The following EPAS1 variants were observed in gnomAD, a reference collection of about 807,000 sequenced individuals.
The protein encoded by EPAS1 is endothelial PAS domain-containing protein 1.
A neutral mutation model predicts 87.9 loss-of-function variants in EPAS1; 23 were observed. The ratio of observed to expected loss-of-function variants is 0.26; its 90% CI spans 0.19 to 0.37. The LOEUF (loss-of-function observed/expected upper bound fraction) is 0.37. EPAS1 is among the 10% of genes least tolerant of loss of function. The pLI, the probability that EPAS1 is intolerant of heterozygous loss-of-function variation, is 1.00. For synonymous variants in EPAS1, 508 were observed against 444.3 expected, an observed-to-expected ratio of 1.14 and a Z score of -1.80; for missense variants, 1,138 against 1,120.7, an observed-to-expected ratio of 1.02 and a Z score of -0.22.
In EPAS1 at chr2:46,359,257, C is replaced by CAAAAAAAA. The variant is rs57351888; in HGVS notation, c.455-1364_455-1357dup. Among the ~76,000 whole-genome samples the CAAAAAAAA allele has an allele frequency of 2.7e-3, 67 of 25,088 alleles. 6 individuals are homozygous for CAAAAAAAA. Among genetic ancestry groups the CAAAAAAAA allele is most frequent in the African/African-American group, 0.012 (62 of 5,056 alleles). The allele number at this position is 25,088 out of a possible 152,430, so 16.5% of individuals were successfully genotyped here. On this transcript the variant is annotated intron_variant, in intron 4 of 15. Coordinates refer to ENST00000263734, the MANE Select transcript of EPAS1 (RefSeq NM_001430.5). The stretch of plus-strand genomic sequence containing the variant: ...CTGGCGACAGAGCAAGATTCTGTCT[C>CAAAAAAAA]AAAAAAAAAAAAAAAAAAAAAAAAG...
At chr2:46,338,303 C>A (rs372421183) in intron 1 of EPAS1, among the ~76,000 whole-genome samples, 10 of 150,318 alleles carry the variant, frequency 6.7e-5, no homozygotes, top group African/African-American at 2.4e-4. Flanking sequence ...GCTGAGAGTT[C>A]TTTACTAACT....
chr2:46,331,423 CAAG>C lies in EPAS1; in HGVS notation c.27-15446_27-15444del, dbSNP rs765832207. On this transcript the variant is annotated intron_variant, in intron 1 of 15. Coordinates refer to ENST00000263734, the MANE Select transcript of EPAS1 (RefSeq NM_001430.5). ...ACTTTTTACAAAAATGCTAAAATGC[CAAG>C]AAGTACTTTTTCATTAAAACAAAAC... Among the ~76,000 whole-genome samples, 72 of 152,190 alleles carry C rather than the reference CAAG, an allele frequency of 4.7e-4. 1 individual carries two copies. Among genetic ancestry groups the C allele is most frequent in the Non-Finnish European group, 8.2e-4 (56 of 68,024 alleles).
intron 1 of EPAS1, among the ~76,000 whole-genome samples, chr2:46,306,023 G>C (rs536204922): frequency 6.6e-6 from 1 of 152,252 alleles, no homozygotes; most frequent in African/African-American, 2.4e-5. Context: ...GTGACTAAGG[G>C]GAGTCAGTGG....
At chr2:46,335,045 T>G (rs2104861610) in intron 1 of EPAS1, among the ~76,000 whole-genome samples, 1 of 152,266 alleles carries the variant, frequency 6.6e-6, no homozygotes, top group South Asian at 2.1e-4. Context: ...CCTCTTTCAC[T>G]TTTCCTCTTT....
chr2:46,349,599 G>T (rs747008010), intron 2 of EPAS1, among the ~76,000 whole-genome samples: 11 of 152,206 alleles, frequency 7.2e-5, no homozygotes, highest in Non-Finnish European at 1.3e-4. Flanking sequence ...GGAAAGAAAT[G>T]AAGGAAAAGG....
chr2:46,348,046 A>G (rs189778035), intron 2 of EPAS1, among the ~76,000 whole-genome samples: 1 of 152,264 alleles, frequency 6.6e-6, no homozygotes, highest in Admixed American at 6.5e-5. Flanking sequence ...CCATCCTGTT[A>G]TGAAGTGGCT....
chr2:46,381,068 A>C, intron 12 of EPAS1: 3 of 378,240 alleles, frequency 7.9e-6, no homozygotes, highest in Non-Finnish European at 1.5e-5. Context: ...AAAACAGCAA[A>C]AAGATACCCC....
chr2:46,297,729 C>G lies in EPAS1; in HGVS notation c.-183C>G, dbSNP rs1018736819. 4.4e-6 allele frequency: 3 copies of G among 682,242 alleles called. No homozygotes were observed. In the African/African-American group the frequency reaches 5.6e-5, roughly 13 times the overall value. 42.3% of individuals were successfully genotyped at this position (682,242 alleles called of 1,614,324 possible). ...TCCCAGTCACCTTTCTCCACCCCCGCCCCCGCACCTAGCCCGCCGCGCGCC... is the reference window on the plus strand; with the variant it reads ...TCCCAGTCACCTTTCTCCACCCCCGGCCCCGCACCTAGCCCGCCGCGCGCC... On this transcript the variant is annotated 5_prime_UTR_variant, in exon 1 of 16. Transcript: ENST00000263734.
Position 46,297,753 on chromosome 2 carries a change from C to T in EPAS1, c.-159C>T. ...GCCCCCGCACCTAGCCCGCCGCGCG[C>T]CACCTTCCACCTGACTGCGCGGGGC... On this transcript the variant is annotated 5_prime_UTR_variant, in exon 1 of 16. Coordinates refer to ENST00000263734, the MANE Select transcript of EPAS1 (RefSeq NM_001430.5). 1 of 921,194 alleles carries T rather than the reference C, an allele frequency of 1.1e-6. No individual in the cohort carries two copies. Among genetic ancestry groups the T allele is most frequent in the East Asian group, 2.8e-5 (1 of 36,360 alleles). The allele number at this position is 921,194 out of a possible 1,614,324, so 57.1% of individuals were successfully genotyped here. A position where few individuals can be genotyped will look rare whatever the true frequency, so the allele number is the denominator to read the frequency against.
chr2:46,374,652 AAC>A, intron 7 of EPAS1, among the ~76,000 whole-genome samples: 1 of 152,324 alleles, frequency 6.6e-6, no homozygotes, highest in African/African-American at 2.4e-5. Flanking sequence ...GCCCTTTCCT[AAC>A]GTCTCTGTGA....
At chr2:46,362,977 A>AGTGGTG (rs75642579) in intron 6 of EPAS1, among the ~76,000 whole-genome samples, 1,493 of 104,240 alleles carry the variant, frequency 0.014, 21 homozygotes, top group Middle Eastern at 0.038. Flanking sequence ...TGGTGGTGGT[A>AGTGGTG]GTGGTGGTGG....
chr2:46,309,026 A>AT (rs1287707118), intron 1 of EPAS1, among the ~76,000 whole-genome samples: 2 of 152,168 alleles, frequency 1.3e-5, no homozygotes, highest in Non-Finnish European at 2.9e-5. Context: ...AGACCCAGTC[A>AT]TTTTTTCCTG....
rs572605312 is a variant in EPAS1, at chr2:46,378,096, C to A, written c.1443+9C>A. ...GCAGCAGCTGCTCCACGGTGAGCAG[C>A]CCTCTTATGGCGAGGACACAGAGAG... is the stretch of plus-strand genomic sequence containing the variant. On this transcript the variant is annotated intron_variant, in intron 10 of 15. Coordinates refer to ENST00000263734, the MANE Select transcript of EPAS1 (RefSeq NM_001430.5). 2 of 1,592,664 alleles carry A rather than the reference C, an allele frequency of 1.3e-6. No individual in the cohort carries two copies. The highest frequency in any genetic ancestry group is 2.3e-5 in the East Asian group (1 of 44,028).
intron 1 of EPAS1, among the ~76,000 whole-genome samples, chr2:46,338,890 CA>C: frequency 7.5e-6 from 1 of 132,508 alleles, no homozygotes. Context: ...CTGAGGATGC[CA>C]GTGTAGCCAA....
chr2:46,383,001 G>GAGA (rs1377214934), intron 15 of EPAS1, among the ~76,000 whole-genome samples: 1 of 151,794 alleles, frequency 6.6e-6, no homozygotes, highest in Non-Finnish European at 1.5e-5. Flanking sequence ...TGTTGAAGAA[G>GAGA]AGAAGAGAAA....
chr2:46,336,062 T>C (rs576016938), intron 1 of EPAS1, among the ~76,000 whole-genome samples: 1 of 152,042 alleles, frequency 6.6e-6, no homozygotes, highest in African/African-American at 2.4e-5. Flanking sequence ...GAGAGCGAAA[T>C]AAAATCTAAG....
chr2:46,356,407 T>A, intron 3 of EPAS1, 105 bp downstream of exon 3: 1 of 1,442,112 alleles, frequency 6.9e-7, no homozygotes, highest in East Asian at 2.3e-5. Flanking sequence ...TCCCTGCAAA[T>A]GCCCACGGTG....
intron 1 of EPAS1, among the ~76,000 whole-genome samples, chr2:46,304,667 A>G (rs61317718): frequency 0.15 from 23,345 of 152,064 alleles, 3,287 homozygotes; most frequent in African/African-American, 0.38. Flanking sequence ...GCCCCAAGAA[A>G]TTCAAAGCTT....
rs537806904 is a variant in EPAS1 at position 46,358,347 on chromosome 2, C to G, written c.454+1539C>G. Among the ~76,000 whole-genome samples the G allele has an allele frequency of 1.2e-4, 18 of 152,316 alleles. 1 individual carries two copies. The highest frequency in any genetic ancestry group is 1.5e-5 in the Non-Finnish European group (1 of 68,026). ...GAGCACCCTGTAGGCTGCTCAGTGT[C>G]TTGTCTGGTTCTGTGGGGAAAGGGC... On this transcript the variant is annotated intron_variant, in intron 4 of 15. Coordinates refer to ENST00000263734, the MANE Select transcript of EPAS1 (RefSeq NM_001430.5).
Sources: gnomAD v4.1 joint callset for allele counts (sites outside exome capture counted in the v4.1 genomes callset) on GRCh38, gnomAD v4.1.1 for gene constraint, MANE v1.5 for transcripts, NCBI Gene and HGNC (gene_info 2026-07-23, HGNC 2026-07-21) for gene names.